Variants in SGMS1 observed in about 807,000 individuals in gnomAD.
SGMS1 encodes sphingomyelin synthase 1.
SGMS1 carries 13 observed loss-of-function variants against 46.2 expected under a neutral mutation model. The observed-to-expected ratio is 0.28, with a 90% CI of 0.18 to 0.45. SGMS1 has a LOEUF of 0.45. SGMS1 is among the 20% of genes least tolerant of loss of function. SGMS1 has a pLI of 1.00. For missense variants in SGMS1, 324 were observed against 519.9 expected, an observed-to-expected ratio of 0.62 and a Z score of 3.66; for synonymous variants, 203 against 187.8, an observed-to-expected ratio of 1.08 and a Z score of -0.66.
intron 4 of SGMS1, among the ~76,000 whole-genome samples, chr10:50,462,216 T>G (rs1052170354): frequency 6.6e-6 from 1 of 152,106 alleles, no homozygotes; most frequent in East Asian, 1.9e-4. Context: ...GAGCTGATTG[T>G]GTCACTGCAC....
intron 8 of SGMS1, among the ~76,000 whole-genome samples, chr10:50,320,700 T>C (rs1847427293): frequency 6.6e-6 from 1 of 152,238 alleles, no homozygotes; most frequent in African/African-American, 2.4e-5. Flanking sequence ...CAGATACATC[T>C]AACTTGACCT....
At chr10:50,474,070 C>T (rs1837400027) in intron 3 of SGMS1, 1 of 152,218 alleles carries the variant, frequency 6.6e-6, no homozygotes, top group African/African-American at 2.4e-5. Context: ...CCACAGAAAG[C>T]AAGTACTGGA....
At chr10:50,457,456 T>G (rs1837206202) in intron 5 of SGMS1, among the ~76,000 whole-genome samples, 1 of 152,164 alleles carries the variant, frequency 6.6e-6, no homozygotes, top group African/African-American at 2.4e-5. Flanking sequence ...AGGAGATATA[T>G]GTGCAGGTTT....
intron 2 of SGMS1, among the ~76,000 whole-genome samples, chr10:50,569,094 T>A (rs150811855): frequency 6.6e-6 from 1 of 151,778 alleles, no homozygotes; most frequent in African/African-American, 2.4e-5. Flanking sequence ...TAAGTGGGAA[T>A]TGAACAATGA....
intron 6 of SGMS1, among the ~76,000 whole-genome samples, chr10:50,385,742 G>A (rs926147887): frequency 9.9e-5 from 15 of 152,284 alleles, no homozygotes; most frequent in African/African-American, 3.1e-4. Context: ...AACCTTGGCC[G>A]TGTGACAGCC....
chr10:50,478,058 C>T (rs1481148741), intron 3 of SGMS1, among the ~76,000 whole-genome samples: 1 of 152,222 alleles, frequency 6.6e-6, no homozygotes, highest in Non-Finnish European at 1.5e-5. Context: ...AAGTTACATT[C>T]CCAGTCTGTT....
At position 50,451,046 on chromosome 10, in the gene SGMS1, AT is replaced by A. The variant is rs369618280; in HGVS notation, c.-313+9626del. 2.9e-4 allele frequency among the ~76,000 whole-genome samples: 44 copies of A among 152,216 alleles called. No individual in the cohort carries two copies. In the East Asian group the frequency reaches 7.7e-3, roughly 27 times the overall value. ...ATATTTATAACATGAGATGCAAACT[AT>A]TTTCCTCCTTAGAAACTATTTCCAA... On this transcript the variant is annotated intron_variant, in intron 5 of 10. Transcript: ENST00000361781.
At chr10:50,605,637 T>C (rs1474346296) in intron 1 of SGMS1, among the ~76,000 whole-genome samples, 1 of 152,228 alleles carries the variant, frequency 6.6e-6, no homozygotes, top group East Asian at 1.9e-4. Flanking sequence ...AACTAAACAC[T>C]GTTCAAAGTG....
At chr10:50,585,924 C>G (rs967811147) in intron 2 of SGMS1, among the ~76,000 whole-genome samples, 1 of 152,122 alleles carries the variant, frequency 6.6e-6, no homozygotes, top group Non-Finnish European at 1.5e-5. Flanking sequence ...GTTATGATTA[C>G]TATGTCCTTG....
rs981933707 is a variant in SGMS1 at position 50,466,917 on chromosome 10, C to T, written c.-482G>A. 1 of 152,078 alleles carries T rather than the reference C, an allele frequency of 6.6e-6. No homozygotes were observed. The highest frequency in any genetic ancestry group is 1.5e-5 in the Non-Finnish European group (1 of 67,962). The allele number at this position is 152,078 out of a possible 1,614,324, so 9.4% of individuals were successfully genotyped here. On this transcript the variant is annotated 5_prime_UTR_variant, in exon 4 of 11. Transcript: ENST00000361781. ...GAATCATGCTGTTATTTTTCTTCAT[C>T]AGTCTTCTTTCCAATCTAGAAGAAG...
At chr10:50,379,672 C>T (rs1848573744) in intron 6 of SGMS1, among the ~76,000 whole-genome samples, 1 of 152,050 alleles carries the variant, frequency 6.6e-6, no homozygotes, top group Non-Finnish European at 1.5e-5. Flanking sequence ...GAAGGGTTTC[C>T]TAAGAATTCT....
intron 4 of SGMS1, among the ~76,000 whole-genome samples, chr10:50,464,631 G>A (rs61856831): frequency 0.029 from 4,351 of 152,186 alleles, 101 homozygotes; most frequent in South Asian, 0.049. Context: ...ACGGGGTTTC[G>A]CCATGTTGGC....
chr10:50,549,267 C>T (rs979462520), intron 2 of SGMS1, among the ~76,000 whole-genome samples: 3 of 152,124 alleles, frequency 2.0e-5, no homozygotes, highest in Non-Finnish European at 4.4e-5. Context: ...CAGCACTATT[C>T]ATAATAGTAG....
rs370635729 is a variant in SGMS1, at chr10:50,515,663, T to A, written c.-498+4168A>T. Among the ~76,000 whole-genome samples, 4 of 152,244 alleles carry A rather than the reference T, an allele frequency of 2.6e-5. No individual in the cohort carries two copies. In the East Asian group the frequency reaches 5.8e-4, roughly 22 times the overall value. On this transcript the variant is annotated intron_variant, in intron 3 of 10. Transcript: ENST00000361781. ...GCACTGGCCATCCCTGACAAGCATC[T>A]CCAGTACTACTCCATCACCTCCCCA...
chr10:50,314,944 A>T (rs1309630465), intron 8 of SGMS1, among the ~76,000 whole-genome samples: 1 of 152,152 alleles, frequency 6.6e-6, no homozygotes, highest in Admixed American at 6.5e-5. Flanking sequence ...AAAAAACTGG[A>T]AACAACCTAA....
chr10:50,615,653 G>T (rs1448789574), intron 1 of SGMS1, among the ~76,000 whole-genome samples: 3 of 152,198 alleles, frequency 2.0e-5, no homozygotes, highest in African/African-American at 7.2e-5. Context: ...CACTGATTTT[G>T]AGATACTTAT....
At chr10:50,328,158 C>T (rs1210541689) in intron 7 of SGMS1, 8 of 275,406 alleles carry the variant, frequency 2.9e-5, no homozygotes, top group Non-Finnish European at 5.0e-5. Flanking sequence ...AGTTAGATAA[C>T]GTCTCCTAAT....
intron 6 of SGMS1, among the ~76,000 whole-genome samples, chr10:50,352,635 G>A (rs1848041245): frequency 6.6e-6 from 1 of 152,120 alleles, no homozygotes; most frequent in African/African-American, 2.4e-5. Flanking sequence ...CTCATACATA[G>A]CAAAGAGTCA....
intron 6 of SGMS1, among the ~76,000 whole-genome samples, chr10:50,363,249 CAG>C (rs1229135977): frequency 1.3e-5 from 2 of 152,054 alleles, no homozygotes; most frequent in Admixed American, 6.5e-5. Flanking sequence ...GAGGAGAAAA[CAG>C]GGACACGATT....
Sources: gnomAD v4.1 joint callset for allele counts (sites outside exome capture counted in the v4.1 genomes callset) on GRCh38, gnomAD v4.1.1 for gene constraint, MANE v1.5 for transcripts, NCBI Gene and HGNC (gene_info 2026-07-23, HGNC 2026-07-21) for gene names.